TBC1D22A: variants seen among roughly 807,000 people sequenced by gnomAD.
TBC1D22A encodes TBC1 domain family member 22A.
A neutral mutation model predicts 60.2 loss-of-function variants in TBC1D22A; 38 were observed. The ratio of observed to expected loss-of-function variants is 0.63; its 90% CI spans 0.49 to 0.83. The LOEUF is 0.83. Among genes scored for constraint, TBC1D22A ranks in the 40% least tolerant of loss-of-function variants. The probability of loss-of-function intolerance (pLI) is 0.00; values close to 1 mark genes in which losing one functional copy is unlikely to be tolerated. For synonymous variants in TBC1D22A, 302 were observed against 281.7 expected, an observed-to-expected ratio of 1.07 and a Z score of -0.72; for missense variants, 628 against 701.0, an observed-to-expected ratio of 0.90 and a Z score of 1.18.
At chr22:46,830,936 A>C (rs570788533) in intron 4 of TBC1D22A, among the ~76,000 whole-genome samples, 25 of 152,254 alleles carry the variant, frequency 1.6e-4, no homozygotes, top group African/African-American at 5.5e-4. Context: ...GGTATCTCCG[A>C]GGAAGATGGA....
At chr22:47,112,681 G>A (rs992345048) in intron 12 of TBC1D22A, among the ~76,000 whole-genome samples, 5 of 152,198 alleles carry the variant, frequency 3.3e-5, no homozygotes, top group Admixed American at 6.5e-5. Context: ...GGTGTTCGCA[G>A]GTGGATGGGA....
At chr22:47,071,793 G>C (rs558670128) in intron 11 of TBC1D22A, among the ~76,000 whole-genome samples, 14 of 152,274 alleles carry the variant, frequency 9.2e-5, no homozygotes, top group Non-Finnish European at 8.8e-5. Context: ...GAATTTCTGA[G>C]TCCTGAGAGT....
chr22:47,058,001 G>A (rs1480333570), intron 11 of TBC1D22A, among the ~76,000 whole-genome samples: 1 of 152,214 alleles, frequency 6.6e-6, no homozygotes, highest in Non-Finnish European at 1.5e-5. Flanking sequence ...TTGCTACTGT[G>A]TGGCACCAGC....
intron 10 of TBC1D22A, among the ~76,000 whole-genome samples, chr22:47,035,145 T>A (rs1368258075): frequency 1.3e-5 from 2 of 152,182 alleles, no homozygotes; most frequent in Non-Finnish European, 2.9e-5. Context: ...ACTGAGTATC[T>A]GAGGTGAGCA....
intron 5 of TBC1D22A, among the ~76,000 whole-genome samples, chr22:46,886,606 A>G (rs1265349724): frequency 6.6e-6 from 1 of 152,230 alleles, no homozygotes; most frequent in Admixed American, 6.5e-5. Context: ...AGTAATTGAC[A>G]TTGTTAGCTG....
At chr22:46,865,637 T>C (rs1212149705) in intron 4 of TBC1D22A, among the ~76,000 whole-genome samples, 1 of 152,218 alleles carries the variant, frequency 6.6e-6, no homozygotes, top group Non-Finnish European at 1.5e-5. Context: ...TGATTTGTCT[T>C]GTCTGCGCAC....
chr22:46,908,917 G>A (rs2069687832), intron 7 of TBC1D22A, among the ~76,000 whole-genome samples: 1 of 152,128 alleles, frequency 6.6e-6, no homozygotes, highest in South Asian at 2.1e-4. Flanking sequence ...TCTATCTCAG[G>A]TACAGTTCAG....
At chr22:47,053,778 G>A (rs894001508) in intron 11 of TBC1D22A, among the ~76,000 whole-genome samples, 13 of 152,270 alleles carry the variant, frequency 8.5e-5, no homozygotes, top group African/African-American at 3.1e-4. Flanking sequence ...CCAGGCGCTG[G>A]TTTGGATTCC....
intron 1 of TBC1D22A, among the ~76,000 whole-genome samples, chr22:46,768,740 G>A (rs558761552): frequency 6.6e-6 from 1 of 152,284 alleles, no homozygotes; most frequent in Admixed American, 6.5e-5. Context: ...CTGGCAGGGT[G>A]TGGTCTGCTG....
chr22:46,836,704 A>C (rs2086538056), intron 4 of TBC1D22A, among the ~76,000 whole-genome samples: 1 of 152,202 alleles, frequency 6.6e-6, no homozygotes, highest in African/African-American at 2.4e-5. Context: ...AGATTAAAAA[A>C]ACAAGATCCA....
intron 8 of TBC1D22A, among the ~76,000 whole-genome samples, chr22:46,946,546 C>T (rs909780904): frequency 3.3e-5 from 5 of 152,138 alleles, no homozygotes; most frequent in Admixed American, 1.3e-4. Context: ...CACAGGTGGC[C>T]GCCTCACTGC....
At chr22:47,154,740 G>A (rs919987054) in intron 12 of TBC1D22A, among the ~76,000 whole-genome samples, 11 of 152,218 alleles carry the variant, frequency 7.2e-5, no homozygotes, top group African/African-American at 2.4e-4. Context: ...CCCAAGGTCC[G>A]GGATGCCAGA....
In TBC1D22A at chr22:47,111,572, G is replaced by A. The variant is rs1198950585; in HGVS notation, c.1394G>A (p.Arg465Lys). Residue 465 changes from arginine (R) to lysine (K), a missense_variant, in exon 12 of 13, where the codon AGG (arginine) becomes AAG (lysine). Coordinates refer to ENST00000337137, the MANE Select transcript of TBC1D22A (RefSeq NM_014346.5). ...YVCAAFLVRW[R>K]KEILEEKDFQ... ...TGCGCTGCTTTTCTCGTGAGATGGAGGAAGGAAATACTAGAAGAAAAAGAT... is the reference window on the plus strand; with the variant it reads ...TGCGCTGCTTTTCTCGTGAGATGGAAGAAGGAAATACTAGAAGAAAAAGAT... 1.2e-5 allele frequency: 20 copies of A among 1,613,996 alleles called. No homozygotes were observed. Among genetic ancestry groups the A allele is most frequent in the East Asian group, 2.2e-5 (1 of 44,898 alleles).
intron 8 of TBC1D22A, among the ~76,000 whole-genome samples, chr22:46,967,713 T>C (rs535233130): frequency 1.2e-4 from 19 of 152,360 alleles, no homozygotes; most frequent in African/African-American, 4.3e-4. Flanking sequence ...AGCTCTTCCA[T>C]GTAGTTTAAT....
intron 8 of TBC1D22A, among the ~76,000 whole-genome samples, chr22:46,943,241 A>G (rs1378591564): frequency 2.0e-5 from 3 of 152,114 alleles, no homozygotes; most frequent in African/African-American, 7.2e-5. Flanking sequence ...GGTGTAATTA[A>G]TGAGCCTCCT....
chr22:47,144,859 G>T (rs543209014), intron 12 of TBC1D22A, among the ~76,000 whole-genome samples: 9 of 136,672 alleles, frequency 6.6e-5, no homozygotes, highest in African/African-American at 1.7e-4. Context: ...GGTGCAGCCC[G>T]TGAAGGTGCC....
chr22:46,797,413 C>G, intron 3 of TBC1D22A, 31 bp from the exon 4 acceptor site: 3 of 1,610,488 alleles, frequency 1.9e-6, no homozygotes, highest in Non-Finnish European at 2.5e-6. Flanking sequence ...GGAGCGCCCT[C>G]ACCCTCACCC....
At chr22:46,979,008 G>A (rs922525736) in intron 9 of TBC1D22A, among the ~76,000 whole-genome samples, 1 of 152,178 alleles carries the variant, frequency 6.6e-6, no homozygotes, top group Admixed American at 6.5e-5. Context: ...GGGTAGTTGT[G>A]ATATGAAATC....
chr22:47,006,954 G>A (rs1334848270), intron 10 of TBC1D22A, among the ~76,000 whole-genome samples: 1 of 152,186 alleles, frequency 6.6e-6, no homozygotes, highest in Non-Finnish European at 1.5e-5. Context: ...AGGAGCTTGG[G>A]CTTCAGAGAG....
Sources: gnomAD v4.1 joint callset for allele counts (sites outside exome capture counted in the v4.1 genomes callset) on GRCh38, gnomAD v4.1.1 for gene constraint, MANE v1.5 for transcripts, NCBI Gene and HGNC (gene_info 2026-07-23, HGNC 2026-07-21) for gene names.